EEPD1: variants seen among roughly 807,000 people sequenced by gnomAD.
EEPD1 encodes the protein endonuclease/exonuclease/phosphatase family domain containing 1.
In EEPD1, 17 loss-of-function variants were observed where a neutral mutation model predicts 46.3. The ratio of observed to expected loss-of-function variants is 0.37; its 90% CI spans 0.25 to 0.55. EEPD1 has a LOEUF of 0.55. Among genes scored for constraint, EEPD1 ranks in the 20% least tolerant of loss-of-function variants. The pLI, the probability that EEPD1 is intolerant of heterozygous loss-of-function variation, is 0.83. For synonymous variants in EEPD1, 313 were observed against 315.6 expected (o/e 0.99, Z 0.09); for missense variants, 673 against 745.6 (o/e 0.90, Z 1.13).
At chr7:36,245,415 G>GA (rs1786624260) in intron 3 of EEPD1, among the ~76,000 whole-genome samples, 1 of 152,156 alleles carries the variant, frequency 6.6e-6, no homozygotes, top group Non-Finnish European at 1.5e-5. Context: ...CTGGGAAGAG[G>GA]TGAATGGTGA....
chr7:36,191,113 A>G (rs529715776), intron 2 of EEPD1, among the ~76,000 whole-genome samples: 3 of 152,348 alleles, frequency 2.0e-5, no homozygotes, highest in Admixed American at 6.5e-5. Context: ...CCACACTGGT[A>G]TCAGGTCATG....
At chr7:36,290,856 G>A (rs1052350730) in intron 6 of EEPD1, among the ~76,000 whole-genome samples, 1 of 152,220 alleles carries the variant, frequency 6.6e-6, no homozygotes, top group African/African-American at 2.4e-5. Context: ...AATCAAGGGA[G>A]CGACAAAGGA....
intron 2 of EEPD1, among the ~76,000 whole-genome samples, chr7:36,161,447 T>A (rs1189474745): frequency 6.7e-6 from 1 of 148,838 alleles, no homozygotes; most frequent in Admixed American, 6.7e-5. Flanking sequence ...AAGGACCAAG[T>A]CAGGTGGATG....
intron 3 of EEPD1, among the ~76,000 whole-genome samples, chr7:36,251,590 A>G (rs1480297148): frequency 2.0e-5 from 3 of 152,168 alleles, no homozygotes; most frequent in Admixed American, 6.5e-5. Flanking sequence ...GATTACAGGC[A>G]TGAGCCACTG....
At chr7:36,203,670 A>T (rs1583806891) in intron 2 of EEPD1, among the ~76,000 whole-genome samples, 1 of 152,254 alleles carries the variant, frequency 6.6e-6, no homozygotes, top group African/African-American at 2.4e-5. Flanking sequence ...AGCTAAAAGA[A>T]ACCAACCAAT....
chr7:36,238,887 A>G (rs1786504742), intron 2 of EEPD1, 98 bp from the exon 3 acceptor site: 3 of 1,175,640 alleles, frequency 2.6e-6, no homozygotes, highest in South Asian at 1.5e-5. Flanking sequence ...GAAATGCAGG[A>G]TGAAATTTCA....
At chr7:36,200,021 T>C (rs1341591168) in intron 2 of EEPD1, among the ~76,000 whole-genome samples, 5 of 152,186 alleles carry the variant, frequency 3.3e-5, no homozygotes, top group Admixed American at 3.3e-4. Flanking sequence ...AGGTTTGTTA[T>C]ATAGGTAAAC....
intron 2 of EEPD1, among the ~76,000 whole-genome samples, chr7:36,192,324 C>T (rs970720240): frequency 4.6e-5 from 7 of 152,176 alleles, no homozygotes; most frequent in African/African-American, 1.4e-4. Context: ...CCTTGTATCA[C>T]GTGAATTGAG....
At chr7:36,293,177 AATACTT>A (rs1225405138) in intron 6 of EEPD1, among the ~76,000 whole-genome samples, 2 of 152,212 alleles carry the variant, frequency 1.3e-5, no homozygotes, top group East Asian at 3.8e-4. Flanking sequence ...AAAAATATAA[AATACTT>A]AGAAATGTGG....
At chr7:36,273,814 C>T (rs1787146881) in intron 3 of EEPD1, among the ~76,000 whole-genome samples, 1 of 152,218 alleles carries the variant, frequency 6.6e-6, no homozygotes, top group Admixed American at 6.5e-5. Flanking sequence ...GTGCTCCTCT[C>T]CTTCCACCCA....
At chr7:36,260,992 A>G (rs1786913204) in intron 3 of EEPD1, among the ~76,000 whole-genome samples, 1 of 152,252 alleles carries the variant, frequency 6.6e-6, no homozygotes, top group African/African-American at 2.4e-5. Context: ...TTATAAACAA[A>G]TACTGTACCA....
intron 3 of EEPD1, among the ~76,000 whole-genome samples, chr7:36,263,396 G>A (rs1786962776): frequency 6.6e-6 from 1 of 152,142 alleles, no homozygotes; most frequent in South Asian, 2.1e-4. Flanking sequence ...AAACAAAGCA[G>A]CACCTCACAC....
At chr7:36,251,555 C>T (rs1786739458) in intron 3 of EEPD1, among the ~76,000 whole-genome samples, 1 of 152,332 alleles carries the variant, frequency 6.6e-6, no homozygotes, top group Non-Finnish European at 1.5e-5. Flanking sequence ...GGTGATCCAC[C>T]CGCCTTGGCC....
At chr7:36,163,260 T>G (rs1784929035) in intron 2 of EEPD1, among the ~76,000 whole-genome samples, 1 of 145,300 alleles carries the variant, frequency 6.9e-6, no homozygotes, top group African/African-American at 2.6e-5. Context: ...TATGGGTAGG[T>G]TTTTTTTTTT....
At chr7:36,215,285 G>T (rs1406787491) in intron 2 of EEPD1, among the ~76,000 whole-genome samples, 1 of 152,226 alleles carries the variant, frequency 6.6e-6, no homozygotes, top group Non-Finnish European at 1.5e-5. Flanking sequence ...GGGTCATCAA[G>T]CCCCTAAATG....
intron 2 of EEPD1, among the ~76,000 whole-genome samples, chr7:36,191,256 T>C (rs892204759): frequency 2.0e-5 from 3 of 152,152 alleles, no homozygotes; most frequent in East Asian, 1.9e-4. Context: ...AGGGAGTAAA[T>C]AGGACAAGTA....
intron 6 of EEPD1, 81 bp from the exon 7 acceptor site, chr7:36,296,912 T>C (rs1583483379): frequency 7.0e-7 from 1 of 1,434,780 alleles, no homozygotes; most frequent in East Asian, 2.3e-5. Flanking sequence ...AGAATCTCAA[T>C]CCCGTTTCAA....
chr7:36,207,316 A>G (rs566414051), intron 2 of EEPD1, among the ~76,000 whole-genome samples: 19 of 152,296 alleles, frequency 1.2e-4, no homozygotes, highest in Admixed American at 1.0e-3. Context: ...TGTTCTTCAA[A>G]GGAGGGATAT....
At position 36,188,199 on chromosome 7, in the gene EEPD1, A is replaced by G. The variant is rs6973686; in HGVS notation, c.878+32997A>G. Among the ~76,000 whole-genome samples the G allele has an allele frequency of 7.6e-3, 1,147 of 151,920 alleles. 14 individuals are homozygous for G. The highest frequency in any genetic ancestry group is 0.026 in the African/African-American group (1,081 of 41,518). The stretch of plus-strand genomic sequence containing the variant: ...GGTTGGTCTATGAGTCTCTTTCTCT[A>G]TCTTACTCTCTCTTTCTCTCTCTCT... On this transcript the variant is annotated intron_variant, in intron 2 of 7. Transcript: ENST00000242108.
Sources: gnomAD v4.1 joint callset for allele counts (sites outside exome capture counted in the v4.1 genomes callset) on GRCh38, gnomAD v4.1.1 for gene constraint, MANE v1.5 for transcripts, NCBI Gene and HGNC (gene_info 2026-07-23, HGNC 2026-07-21) for gene names.